The following MYO1D variants were observed in gnomAD, a reference collection of about 807,000 sequenced individuals.
The protein encoded by MYO1D is myosin ID.
MYO1D carries 83 observed loss-of-function variants against 122.0 expected under a neutral mutation model. That is an observed-to-expected ratio of 0.68 (90% CI 0.57 to 0.82). The LOEUF is 0.82. Among genes scored for constraint, MYO1D ranks in the 40% least tolerant of loss-of-function variants. The pLI, the probability that MYO1D is intolerant of heterozygous loss-of-function variation, is 0.00. For missense variants in MYO1D, 1,157 were observed against 1,269.5 expected (o/e 0.91, Z 1.35); for synonymous variants, 464 against 446.9 (o/e 1.04, Z -0.48).
intron 19 of MYO1D, among the ~76,000 whole-genome samples, chr17:32,651,400 T>C (rs1428466437): frequency 6.6e-6 from 1 of 152,222 alleles, no homozygotes; most frequent in East Asian, 1.9e-4. Context: ...TCCTCTCTGA[T>C]ACTCTGCTCC....
Position 32,760,545 on chromosome 17 carries a change from T to C in MYO1D, c.1118A>G (p.His373Arg), listed in dbSNP as rs913850558. ...IEVKNYDTTI[H>R]GKNTVIGVLD... is the part of the protein sequence containing the mutation. ...GACACCAATAACAGTGTTTTTCCCA[T>C]GGATTGTGGTGTCATAGTTCTTGAC... is the stretch of plus-strand genomic sequence containing the variant. The change falls in exon 9 of 22, where the codon CAT (histidine) becomes CGT (arginine). Residue 373 changes from histidine (H) to arginine (R), a missense_variant. Physicochemically the swap from His to Arg is conservative, Grantham distance 29. Transcript: ENST00000318217. The C allele has an allele frequency of 1.2e-5, 19 of 1,613,786 alleles. No homozygotes were observed. The highest frequency in any genetic ancestry group is 1.4e-5 in the Non-Finnish European group (16 of 1,179,828).
intron 2 of MYO1D, among the ~76,000 whole-genome samples, chr17:32,778,791 T>C (rs1209936886): frequency 6.6e-6 from 1 of 152,108 alleles, no homozygotes; most frequent in East Asian, 1.9e-4. Flanking sequence ...AAAACTATTA[T>C]AAAACTAAAA....
intron 16 of MYO1D, among the ~76,000 whole-genome samples, chr17:32,676,799 T>C (rs1469830411): frequency 6.6e-6 from 1 of 152,200 alleles, no homozygotes; most frequent in Admixed American, 6.5e-5. Flanking sequence ...ACAATGATGT[T>C]TTATGAAAAA....
intron 6 of MYO1D, 27 bp downstream of exon 6, chr17:32,771,098 G>T: frequency 6.6e-7 from 1 of 1,506,604 alleles, no homozygotes; most frequent in South Asian, 1.1e-5. Flanking sequence ...TTTTCTATTG[G>T]AGCAATCTCA....
intron 10 of MYO1D, chr17:32,759,999 C>A (rs2089982967): frequency 3.3e-6 from 2 of 609,256 alleles, no homozygotes; most frequent in Non-Finnish European, 5.9e-6. Flanking sequence ...GTATGCTAAA[C>A]CTAACAGACA....
At chr17:32,568,213 A>AGG (rs895318932) in intron 21 of MYO1D, among the ~76,000 whole-genome samples, 1 of 147,046 alleles carries the variant, frequency 6.8e-6, no homozygotes, top group African/African-American at 2.5e-5. Flanking sequence ...GGCTGGTGTC[A>AGG]GGCAGCTAGC....
chr17:32,542,854 T>C (rs746193272), intron 21 of MYO1D, among the ~76,000 whole-genome samples: 6 of 151,966 alleles, frequency 3.9e-5, no homozygotes, highest in African/African-American at 9.7e-5. Context: ...GTGGGACACT[T>C]TGGGGAGCAT....
intron 16 of MYO1D, among the ~76,000 whole-genome samples, chr17:32,673,138 C>A (rs2088748467): frequency 2.7e-5 from 2 of 74,954 alleles, no homozygotes; most frequent in East Asian, 4.1e-4. Flanking sequence ...GAGACAGAGA[C>A]TTGCTCTGTT....
intron 21 of MYO1D, among the ~76,000 whole-genome samples, chr17:32,599,343 T>A (rs1318427703): frequency 6.6e-6 from 1 of 152,246 alleles, no homozygotes; most frequent in Admixed American, 6.5e-5. Flanking sequence ...AGTTTTATCA[T>A]GAGATTGCAG....
chr17:32,681,396 T>C (rs990462728), intron 16 of MYO1D, among the ~76,000 whole-genome samples: 2 of 142,416 alleles, frequency 1.4e-5, no homozygotes, highest in African/African-American at 2.6e-5. Flanking sequence ...TTTAGTGCTA[T>C]AAATTTCCCT....
In MYO1D at chr17:32,634,015, G is replaced by T. The variant is rs2088062356; in HGVS notation, c.2709+4707C>A. Among the ~76,000 whole-genome samples, 3 of 152,110 alleles carry T rather than the reference G, an allele frequency of 2.0e-5. No homozygotes were observed. In the South Asian group the frequency reaches 6.2e-4, roughly 31 times the overall value. ...TCCAAGACTTGCAGAGATTTTGCCTGTTTTGACACCTCTATGTTCCTAATA... is the reference window on the plus strand; with the variant it reads ...TCCAAGACTTGCAGAGATTTTGCCTTTTTTGACACCTCTATGTTCCTAATA... On this transcript the variant is annotated intron_variant, in intron 20 of 21. Transcript: ENST00000318217.
intron 21 of MYO1D, among the ~76,000 whole-genome samples, chr17:32,564,671 C>T (rs542038619): frequency 1.1e-4 from 17 of 152,284 alleles, no homozygotes; most frequent in South Asian, 1.0e-3. Flanking sequence ...AGTAGACAGA[C>T]GACTACAAAG....
chr17:32,585,986 A>G (rs1444303481), intron 21 of MYO1D, among the ~76,000 whole-genome samples: 1 of 152,156 alleles, frequency 6.6e-6, no homozygotes, highest in African/African-American at 2.4e-5. Context: ...GGAGGCTTGG[A>G]ATAATTTCTC....
chr17:32,540,991 C>T (rs1249777744), intron 21 of MYO1D, among the ~76,000 whole-genome samples: 5 of 151,294 alleles, frequency 3.3e-5, no homozygotes, highest in Non-Finnish European at 7.4e-5. Context: ...GCTTCATACG[C>T]TGCTGGTAGA....
intron 20 of MYO1D, among the ~76,000 whole-genome samples, chr17:32,629,266 C>T (rs758703366): frequency 4.7e-5 from 7 of 149,618 alleles, no homozygotes; most frequent in Non-Finnish European, 1.0e-4. Flanking sequence ...ATCTTTAGAG[C>T]AGTGAAACTG....
intron 19 of MYO1D, among the ~76,000 whole-genome samples, chr17:32,651,358 G>C (rs1001037997): frequency 6.6e-6 from 1 of 152,174 alleles, no homozygotes; most frequent in Non-Finnish European, 1.5e-5. Flanking sequence ...GAACTCTACA[G>C]ATCTTCAGAG....
intron 12 of MYO1D, among the ~76,000 whole-genome samples, chr17:32,746,503 A>T (rs1688820974): frequency 6.6e-6 from 1 of 152,156 alleles, no homozygotes; most frequent in South Asian, 2.1e-4. Flanking sequence ...AGTAATTGCT[A>T]TTACTCATAT....
At chr17:32,694,295 AC>A (rs10716692) in intron 16 of MYO1D, among the ~76,000 whole-genome samples, 98,445 of 151,830 alleles carry the variant, frequency 0.65, 32,108 homozygotes, top group Middle Eastern at 0.76. Flanking sequence ...GCTCATCCTG[AC>A]CCAACTTTAA....
intron 16 of MYO1D, among the ~76,000 whole-genome samples, chr17:32,698,829 C>T (rs984899045): frequency 6.6e-6 from 1 of 151,682 alleles, no homozygotes; most frequent in Non-Finnish European, 1.5e-5. Flanking sequence ...GAGCTAAAGC[C>T]ATAATATAAT....
Sources: gnomAD v4.1 joint callset for allele counts (sites outside exome capture counted in the v4.1 genomes callset) on GRCh38, gnomAD v4.1.1 for gene constraint, MANE v1.5 for transcripts, NCBI Gene and HGNC (gene_info 2026-07-23, HGNC 2026-07-21) for gene names.